Variants in ARHGDIB observed in about 807,000 individuals in gnomAD.
ARHGDIB encodes Rho GDP dissociation inhibitor beta.
A neutral mutation model predicts 22.6 loss-of-function variants in ARHGDIB; 20 were observed. The ratio of observed to expected loss-of-function variants is 0.88; its 90% CI spans 0.62 to 1.28. The LOEUF is 1.28. Ranked by LOEUF, ARHGDIB falls within the 50% of genes most tolerant of loss-of-function variation. The probability of loss-of-function intolerance (pLI) is 0.00; values close to 1 mark genes in which losing one functional copy is unlikely to be tolerated. For missense variants in ARHGDIB, 254 were observed against 245.4 expected (o/e 1.04, Z -0.23); for synonymous variants, 114 against 96.1 (o/e 1.19, Z -1.09).
At position 14,943,389 on chromosome 12, in the gene ARHGDIB, T is replaced by TTG. The variant is rs1555102080; in HGVS notation, c.407-669_407-668insCA. On this transcript the variant is annotated intron_variant, in intron 5 of 5. Transcript: ENST00000228945. ...GGGGATTAAGCCTGTTTTTTTTTTT[T>TTG]TTGTTGTTGTTGTTGTTTTTTTTAT... Among the ~76,000 whole-genome samples, 143 of 139,070 alleles carry TTG rather than the reference T, an allele frequency of 1.0e-3. 3 individuals are homozygous for TTG. In the East Asian group the frequency reaches 0.02, roughly 19 times the overall value. 91.2% of individuals were successfully genotyped at this position (139,070 alleles called of 152,430 possible).
At chr12:14,951,326 C>T (rs1052269049) in intron 1 of ARHGDIB, among the ~76,000 whole-genome samples, 2 of 152,216 alleles carry the variant, frequency 1.3e-5, no homozygotes, top group African/African-American at 4.8e-5. Context: ...TCACACCCAA[C>T]ACTGCTAATC....
intron 1 of ARHGDIB, among the ~76,000 whole-genome samples, chr12:14,956,680 C>T (rs1245243063): frequency 6.6e-6 from 1 of 152,176 alleles, no homozygotes; most frequent in Non-Finnish European, 1.5e-5. Flanking sequence ...CATTTTTTCA[C>T]ACAGGCTTGC....
chr12:14,947,922 G>T lies in ARHGDIB; in HGVS notation c.293C>A (p.Thr98Asn). 6.2e-7 allele frequency: 1 copy of T among 1,613,102 alleles called. No individual in the cohort carries two copies. Among genetic ancestry groups the T allele is most frequent in the Non-Finnish European group, 8.5e-7 (1 of 1,179,136 alleles). The change falls in exon 4 of 6, where the codon ACC becomes AAC. Residue 98 changes from threonine to asparagine, a missense_variant. By Grantham distance (65) the Thr-to-Asn change is moderately conservative (BLOSUM62 0). Coordinates refer to ENST00000228945, the MANE Select transcript of ARHGDIB (RefSeq NM_001175.7). ...TGDLEALKKE[T>N]IVLKEGSEYR... ...TTCAGAACCTTCCTTTAACACAATG[G>T]TTTCCTTTTTGAGGGCTTCCAGATC...
intron 1 of ARHGDIB, among the ~76,000 whole-genome samples, chr12:14,958,553 G>C (rs1376209369): frequency 6.6e-6 from 1 of 152,182 alleles, no homozygotes; most frequent in South Asian, 2.1e-4. Context: ...GAGCTTTGCT[G>C]AGTGCCCAAC....
At chr12:14,953,835 C>CTCTCTT (rs1270680593) in intron 1 of ARHGDIB, among the ~76,000 whole-genome samples, 1 of 149,922 alleles carries the variant, frequency 6.7e-6, no homozygotes, top group East Asian at 1.9e-4. Context: ...CTCTCTCTCT[C>CTCTCTT]TCTCTTTCTC....
chr12:14,950,580 G>T lies in ARHGDIB; in HGVS notation c.133C>A (p.Leu45Ile). ...AGCAGCGTTTTCTTGTACTTAATTA[G>T]ACTCTCATCATCTTTGTCCATTTCC... Reference protein sequence around the residue: ...LQEMDKDDESLIKYKKTLLGD... With the variant: ...LQEMDKDDESIIKYKKTLLGD... Residue 45 changes from leucine to isoleucine, a missense_variant, in exon 2 of 6, where the codon CTA becomes ATA. Physicochemically the swap from Leu to Ile is conservative, Grantham distance 5. Coordinates refer to ENST00000228945, the MANE Select transcript of ARHGDIB (RefSeq NM_001175.7). The T allele has an allele frequency of 1.2e-6, 2 of 1,613,914 alleles. No individual in the cohort carries two copies. The highest frequency in any genetic ancestry group is 1.7e-6 in the Non-Finnish European group (2 of 1,179,914).
chr12:14,947,976 T>G (rs750348002), intron 3 of ARHGDIB, 27 bp from the exon 4 acceptor site: 1 of 1,578,130 alleles, frequency 6.3e-7, no homozygotes, highest in Non-Finnish European at 8.7e-7. Flanking sequence ...AGAGAGAGTT[T>G]ATCCTCAAAA....
In ARHGDIB at chr12:14,943,509, T is replaced by A. The variant is rs192438614; in HGVS notation, c.407-788A>T. Among the ~76,000 whole-genome samples, 55 of 152,266 alleles carry A rather than the reference T, an allele frequency of 3.6e-4. No homozygotes were observed. The East Asian group carries it at 8.5e-3, about 23-fold the overall frequency. On this transcript the variant is annotated intron_variant, in intron 5 of 5. Coordinates refer to ENST00000228945, the MANE Select transcript of ARHGDIB (RefSeq NM_001175.7). The stretch of plus-strand genomic sequence containing the variant: ...TGCAATGGCCTAAGTCATATAACAT[T>A]TTTGAGCCTCCATTTCTTTGTGTAT...
chr12:14,950,439 G>T, intron 2 of ARHGDIB, 93 bp downstream of exon 2: 1 of 1,148,172 alleles, frequency 8.7e-7, no homozygotes, highest in Non-Finnish European at 1.2e-6. Flanking sequence ...GAAGCAGTTG[G>T]TCCTCTTCCC....
chr12:14,955,301 A>G (rs574820927), intron 1 of ARHGDIB, among the ~76,000 whole-genome samples: 1 of 152,358 alleles, frequency 6.6e-6, no homozygotes, highest in South Asian at 2.1e-4. Context: ...TTACACAAGC[A>G]TTTAAAATTC....
intron 1 of ARHGDIB, among the ~76,000 whole-genome samples, chr12:14,954,061 C>T (rs1406615989): frequency 2.0e-5 from 3 of 152,056 alleles, no homozygotes; most frequent in Non-Finnish European, 4.4e-5. Context: ...TCACTACAAC[C>T]TCTGCCTCCT....
chr12:14,949,253 C>T lies in ARHGDIB; in HGVS notation c.265+549G>A, dbSNP rs191828747. 3.5e-3 allele frequency among the ~76,000 whole-genome samples: 535 copies of T among 152,240 alleles called. 4 individuals are homozygous for T. The highest frequency in any genetic ancestry group is 0.012 in the African/African-American group (490 of 41,544). On this transcript the variant is annotated intron_variant, in intron 3 of 5. Transcript: ENST00000228945. ...CTAAGTCTCAGGGAAAGGCTTGACC[C>T]TTAGTTACAATAAGGTGAAAGAAAA... is the stretch of plus-strand genomic sequence containing the variant.
chr12:14,949,551 T>C (rs1353768891), intron 3 of ARHGDIB, among the ~76,000 whole-genome samples: 1 of 152,240 alleles, frequency 6.6e-6, no homozygotes, highest in Non-Finnish European at 1.5e-5. Context: ...TACTATCATG[T>C]GGAGACAAAA....
intron 2 of ARHGDIB, 121 bp from the exon 3 acceptor site, chr12:14,950,006 T>C (rs1444164301): frequency 2.2e-6 from 2 of 895,948 alleles, no homozygotes; most frequent in East Asian, 5.3e-5. Flanking sequence ...GGAGTAGAAA[T>C]AGAAATGGAT....
At chr12:14,943,014 A>C (rs1217874820) in intron 5 of ARHGDIB, among the ~76,000 whole-genome samples, 1 of 152,054 alleles carries the variant, frequency 6.6e-6, no homozygotes, top group Admixed American at 6.5e-5. Flanking sequence ...GATTACAGGC[A>C]TGCGCCACCA....
chr12:14,948,931 T>G (rs1158375844), intron 3 of ARHGDIB: 2 of 152,522 alleles, frequency 1.3e-5, no homozygotes, highest in Non-Finnish European at 2.9e-5. Context: ...ACAGGAAGTG[T>G]GCCTTCTCAG....
At chr12:14,951,553 T>A (rs1178827736) in intron 1 of ARHGDIB, among the ~76,000 whole-genome samples, 3 of 152,022 alleles carry the variant, frequency 2.0e-5, no homozygotes, top group African/African-American at 7.2e-5. Context: ...CATTTGTCCA[T>A]CCATTTCCCT....
intron 1 of ARHGDIB, among the ~76,000 whole-genome samples, chr12:14,957,225 A>G (rs1240227217): frequency 6.6e-6 from 1 of 152,222 alleles, no homozygotes; most frequent in Admixed American, 6.5e-5. Flanking sequence ...AAATGGGGAT[A>G]TTCTTTTTTA....
chr12:14,956,276 C>T (rs1864299132), intron 1 of ARHGDIB: 2 of 152,182 alleles, frequency 1.3e-5, no homozygotes, highest in Non-Finnish European at 2.9e-5. Context: ...CAGCGCAACT[C>T]GGTTCCTGCG....
Sources: gnomAD v4.1 joint callset for allele counts (sites outside exome capture counted in the v4.1 genomes callset) on GRCh38, gnomAD v4.1.1 for gene constraint, MANE v1.5 for transcripts, NCBI Gene and HGNC (gene_info 2026-07-23, HGNC 2026-07-21) for gene names.